Variants in SARDH observed in about 807,000 individuals in gnomAD.
SARDH encodes sarcosine dehydrogenase, mitochondrial.
A neutral mutation model predicts 109.1 loss-of-function variants in SARDH; 95 were observed. The observed-to-expected ratio is 0.87, with a 90% CI of 0.74 to 1.03. The LOEUF (loss-of-function observed/expected upper bound fraction) is 1.03. Among genes scored for constraint, SARDH ranks in the 50% least tolerant of loss-of-function variants. SARDH has a pLI of 0.00. For synonymous variants in SARDH, 572 were observed against 534.8 expected (o/e 1.07, Z -0.96); for missense variants, 1,267 against 1,287.8 (o/e 0.98, Z 0.25).
chr9:133,701,293 C>T (rs1035054181), intron 13 of SARDH, among the ~76,000 whole-genome samples: 3 of 152,250 alleles, frequency 2.0e-5, no homozygotes, highest in Admixed American at 6.5e-5. Flanking sequence ...TAAGCTGTTA[C>T]CAGCACACCA....
intron 18 of SARDH, 149 bp from the exon 19 acceptor site, chr9:133,670,901 T>C: frequency 8.4e-7 from 1 of 1,186,498 alleles, no homozygotes; most frequent in Non-Finnish European, 1.1e-6. Flanking sequence ...GGCAGGGGCA[T>C]CCCCAACTCC....
intron 6 of SARDH, among the ~76,000 whole-genome samples, chr9:133,719,403 C>G (rs773628528): frequency 6.6e-6 from 1 of 152,140 alleles, no homozygotes; most frequent in Non-Finnish European, 1.5e-5. Context: ...CCAACCAACC[C>G]TGGAGGACGC....
chr9:133,682,643 C>T (rs1830735595), intron 17 of SARDH, among the ~76,000 whole-genome samples: 1 of 151,706 alleles, frequency 6.6e-6, no homozygotes, highest in Non-Finnish European at 1.5e-5. Context: ...GTGCTGAAAC[C>T]CACGCGCAGT....
At position 133,707,699 on chromosome 9, in the gene SARDH, G is replaced by A. The variant is rs116424841; in HGVS notation, c.1470+588C>T. The stretch of plus-strand genomic sequence containing the variant: ...CCCCAGAAAGCAAAGCGTCCAGCAC[G>A]AGATGGCCAGGGAGAGGGGGAAGGA... On this transcript the variant is annotated intron_variant, in intron 11 of 20. Coordinates refer to ENST00000439388, the MANE Select transcript of SARDH (RefSeq NM_001134707.2). 2.6e-3 allele frequency among the ~76,000 whole-genome samples: 391 copies of A among 152,292 alleles called. 2 individuals carry two copies. The highest frequency in any genetic ancestry group is 9.0e-3 in the African/African-American group (375 of 41,556).
At chr9:133,705,590 C>A (rs923339379) in intron 11 of SARDH, among the ~76,000 whole-genome samples, 16 of 151,386 alleles carry the variant, frequency 1.1e-4, no homozygotes, top group African/African-American at 3.9e-4. Flanking sequence ...CTTCCCCTAT[C>A]TGCCCTCATC....
intron 12 of SARDH, chr9:133,703,414 G>A (rs1294547492): frequency 2.6e-5 from 7 of 271,770 alleles, no homozygotes; most frequent in Non-Finnish European, 4.4e-5. Context: ...TGCGGGAAGC[G>A]TCTTACACTC....
intron 6 of SARDH, chr9:133,725,541 T>C: frequency 2.3e-6 from 1 of 437,732 alleles, no homozygotes; most frequent in Non-Finnish European, 4.6e-6. Context: ...CCGGGTGTGG[T>C]GACGGGCACA....
At chr9:133,713,721 C>G (rs957099418) in intron 8 of SARDH, among the ~76,000 whole-genome samples, 7 of 152,250 alleles carry the variant, frequency 4.6e-5, no homozygotes, top group African/African-American at 1.4e-4. Flanking sequence ...AACCCTGGCT[C>G]TCTGTGGCCA....
In SARDH at chr9:133,729,844, C is replaced by T. The variant is rs751035984; in HGVS notation, c.836G>A (p.Gly279Asp). The change falls in exon 6 of 21, where the codon GGC (glycine) becomes GAC (aspartate). Residue 279 changes from glycine to aspartate, a missense_variant. Coordinates refer to ENST00000439388, the MANE Select transcript of SARDH (RefSeq NM_001134707.2). ...NCAGVWASAV[G>D]RMAGVKVPLV... ...CGGGACCTTGACTCCAGCCATCCGG[C>T]CCACAGCACTTGCCCACACTCCTGC... 1.9e-6 allele frequency: 3 copies of T among 1,612,122 alleles called. No homozygotes were observed. The highest frequency in any genetic ancestry group is 1.7e-5 in the Admixed American group (1 of 60,014).
intron 18 of SARDH, 65 bp from the exon 19 acceptor site, chr9:133,670,817 T>C: frequency 3.4e-6 from 5 of 1,474,058 alleles, no homozygotes; most frequent in Non-Finnish European, 4.5e-6. Context: ...AGGAGATGCA[T>C]GAGGATGCTG....
chr9:133,672,986 C>T (rs1830399310), intron 17 of SARDH, among the ~76,000 whole-genome samples: 1 of 152,252 alleles, frequency 6.6e-6, no homozygotes, highest in African/African-American at 2.4e-5. Flanking sequence ...TAAGCTTCAT[C>T]TCGTCCCTCC....
chr9:133,683,678 G>A (rs902170113), intron 17 of SARDH, among the ~76,000 whole-genome samples: 1 of 152,166 alleles, frequency 6.6e-6, no homozygotes, highest in Non-Finnish European at 1.5e-5. Flanking sequence ...CAGAGCCGCT[G>A]GGATCTCCCT....
chr9:133,686,787 G>A lies in SARDH; in HGVS notation c.2070-1501C>T, dbSNP rs957467819. The stretch of plus-strand genomic sequence containing the variant: ...CACAGTGCTGGGAGCCGCCACCCAC[G>A]TCAGCCTGAGGTGCTCAGCTGTGGT... On this transcript the variant is annotated intron_variant, in intron 16 of 20. Coordinates refer to ENST00000439388, the MANE Select transcript of SARDH (RefSeq NM_001134707.2). This position sits in a 1 kb window ranked among gnomAD's most constrained non-coding sequence, Gnocchi z 4.0. Among the ~76,000 whole-genome samples the A allele has an allele frequency of 4.6e-5, 7 of 152,178 alleles. No homozygotes were observed. Among genetic ancestry groups the A allele is most frequent in the Non-Finnish European group, 7.3e-5 (5 of 68,036 alleles).
Position 133,704,407 on chromosome 9 carries a change from G to A in SARDH, c.1554+541C>T, listed in dbSNP as rs77507444. Among the ~76,000 whole-genome samples the A allele has an allele frequency of 0.011, 1,616 of 152,290 alleles. 34 individuals are homozygous for A. The highest frequency in any genetic ancestry group is 0.037 in the African/African-American group (1,542 of 41,548). On this transcript the variant is annotated intron_variant, in intron 12 of 20. Transcript: ENST00000439388. The surrounding 1 kb of genome is among the most constrained non-coding windows in gnomAD (Gnocchi z 4.5). ...GGGTCCCAGGTTTCACAGCAGGACT[G>A]CCTTTGTTCCTCTCACTGAGGACCC...
intron 17 of SARDH, among the ~76,000 whole-genome samples, chr9:133,679,939 A>C (rs1426780682): frequency 6.6e-6 from 1 of 152,198 alleles, no homozygotes; most frequent in Non-Finnish European, 1.5e-5. Context: ...GGTTCCGCTG[A>C]CTGCGCAGGC....
At chr9:133,710,719 G>A (rs865875188) in intron 10 of SARDH, among the ~76,000 whole-genome samples, 10 of 152,268 alleles carry the variant, frequency 6.6e-5, no homozygotes, top group Non-Finnish European at 1.5e-4. Flanking sequence ...GTCCCCGGGC[G>A]CAGGCCCGAG....
At chr9:133,715,175 T>C (rs968541106) in intron 8 of SARDH, among the ~76,000 whole-genome samples, 2 of 152,172 alleles carry the variant, frequency 1.3e-5, no homozygotes, top group African/African-American at 2.4e-5. Flanking sequence ...CCAAAGGCCA[T>C]TGGCCGTGCC....
intron 8 of SARDH, among the ~76,000 whole-genome samples, chr9:133,713,548 T>C (rs537207838): frequency 6.6e-6 from 1 of 152,210 alleles, no homozygotes; most frequent in South Asian, 2.1e-4. Context: ...CTCACTCCAC[T>C]TCCCCCCGCC....
rs1381549535 is a variant in SARDH at position 133,666,572 on chromosome 9, C to T, written c.2631+163G>A. On this transcript the variant is annotated intron_variant, in intron 20 of 20. Coordinates refer to ENST00000439388, the MANE Select transcript of SARDH (RefSeq NM_001134707.2). The surrounding 1 kb of genome is among the most constrained non-coding windows in gnomAD (Gnocchi z 5.2). ...CCCCTCCTTCTCCTCCTTCCTTCCT[C>T]CCCCTCTTCCCTCCTCCCTCCTTTC... Among the ~76,000 whole-genome samples, 1 of 151,278 alleles carries T rather than the reference C, an allele frequency of 6.6e-6. No individual in the cohort carries two copies. Among genetic ancestry groups the T allele is most frequent in the Non-Finnish European group, 1.5e-5 (1 of 67,816 alleles).
Sources: gnomAD v4.1 joint callset for allele counts (sites outside exome capture counted in the v4.1 genomes callset) on GRCh38, gnomAD v4.1.1 for gene constraint, Gnocchi (gnomAD v3.1) non-coding constraint, MANE v1.5 for transcripts, NCBI Gene and HGNC (gene_info 2026-07-23, HGNC 2026-07-21) for gene names.